The following DLG2 variants were observed in gnomAD, a reference collection of about 807,000 sequenced individuals.
DLG2 encodes the protein disks large homolog 2.
In DLG2, 45 loss-of-function variants were observed where a neutral mutation model predicts 132.5. The ratio of observed to expected loss-of-function variants is 0.34; its 90% confidence interval spans 0.27 to 0.44. The LOEUF (loss-of-function observed/expected upper bound fraction) is 0.44. Ranked by LOEUF, DLG2 falls within the 20% of genes least tolerant of loss-of-function variation. DLG2 has a pLI of 1.00. For synonymous variants in DLG2, 424 were observed against 419.6 expected, an observed-to-expected ratio of 1.01 and a Z score of -0.13; for missense variants, 1,045 against 1,196.9, an observed-to-expected ratio of 0.87 and a Z score of 1.87.
chr11:85,349,512 A>G (rs1306620395), intron 3 of DLG2, among the ~76,000 whole-genome samples: 1 of 151,908 alleles, frequency 6.6e-6, no homozygotes, highest in African/African-American at 2.4e-5. Flanking sequence ...GCTGCACCCA[A>G]CAACTCATCA....
At chr11:83,517,251 C>A (rs529690720) in intron 21 of DLG2, among the ~76,000 whole-genome samples, 1 of 152,140 alleles carries the variant, frequency 6.6e-6, no homozygotes. Context: ...CTAAACTCTG[C>A]TTGCTTCATT....
At chr11:84,052,262 AT>A (rs140305881) in intron 11 of DLG2, among the ~76,000 whole-genome samples, 2,158 of 152,042 alleles carry the variant, frequency 0.014, 46 homozygotes, top group African/African-American at 0.049. Context: ...ATATATGTGC[AT>A]ATACACATAA....
intron 6 of DLG2, among the ~76,000 whole-genome samples, chr11:84,744,895 G>T (rs1220376482): frequency 8.0e-6 from 1 of 124,748 alleles, no homozygotes; most frequent in Non-Finnish European, 1.7e-5. Flanking sequence ...AAAAGTAAAG[G>T]TCTAAAAAAA....
At chr11:85,466,061 G>T (rs532305768) in intron 3 of DLG2, among the ~76,000 whole-genome samples, 47 of 152,342 alleles carry the variant, frequency 3.1e-4, no homozygotes, top group African/African-American at 1.1e-3. Flanking sequence ...GGCCAGTGAT[G>T]ATGAGCATGT....
At chr11:84,166,991 C>A (rs566496403) in intron 8 of DLG2, 2 of 533,272 alleles carry the variant, frequency 3.8e-6, no homozygotes, top group East Asian at 1.1e-4. Flanking sequence ...AGTTTGGGGC[C>A]CGGAGAGCTT....
intron 21 of DLG2, among the ~76,000 whole-genome samples, chr11:83,517,028 C>G (rs1043393772): frequency 2.2e-4 from 34 of 152,078 alleles, no homozygotes; most frequent in African/African-American, 7.5e-4. Flanking sequence ...CAAGGAGTAT[C>G]TTTGTGGCAT....
intron 6 of DLG2, among the ~76,000 whole-genome samples, chr11:84,755,113 C>T (rs985519778): frequency 2.0e-5 from 3 of 152,092 alleles, no homozygotes; most frequent in African/African-American, 7.2e-5. Flanking sequence ...AGATTTAAAA[C>T]AACACAAACT....
At chr11:84,003,992 A>T (rs998377973) in intron 11 of DLG2, among the ~76,000 whole-genome samples, 3 of 152,066 alleles carry the variant, frequency 2.0e-5, no homozygotes, top group African/African-American at 7.2e-5. Context: ...AGATGGATTC[A>T]CTGCTGAATT....
At chr11:83,972,390 A>C (rs1308818163) in intron 12 of DLG2, among the ~76,000 whole-genome samples, 1 of 152,166 alleles carries the variant, frequency 6.6e-6, no homozygotes, top group Non-Finnish European at 1.5e-5. Flanking sequence ...TGTATGATAT[A>C]AAGTAGCATA....
intron 5 of DLG2, among the ~76,000 whole-genome samples, chr11:85,134,981 G>C (rs1421404151): frequency 6.6e-6 from 1 of 152,058 alleles, no homozygotes; most frequent in African/African-American, 2.4e-5. Context: ...CTGTCTTATG[G>C]TTCAGTAATT....
chr11:85,038,121 G>A (rs1046236588), intron 6 of DLG2, among the ~76,000 whole-genome samples: 1 of 152,066 alleles, frequency 6.6e-6, no homozygotes, highest in Non-Finnish European at 1.5e-5. Context: ...GGACATGAAT[G>A]GTTCATGGGG....
intron 3 of DLG2, among the ~76,000 whole-genome samples, chr11:85,345,391 TAAG>T (rs138377357): frequency 0.029 from 4,446 of 152,202 alleles, 90 homozygotes; most frequent in Non-Finnish European, 0.045. Flanking sequence ...ATAGTGACGT[TAAG>T]AAGAAAAGGA....
At chr11:85,029,425 A>C (rs944713781) in intron 6 of DLG2, among the ~76,000 whole-genome samples, 5 of 152,208 alleles carry the variant, frequency 3.3e-5, no homozygotes, top group Admixed American at 2.6e-4. Context: ...AGAGTGTTCC[A>C]ACCCCTAAGG....
chr11:84,980,446 C>T (rs565176846), intron 6 of DLG2, among the ~76,000 whole-genome samples: 19 of 152,068 alleles, frequency 1.2e-4, no homozygotes, highest in Admixed American at 2.0e-4. Flanking sequence ...CCTATACAGG[C>T]CAATCAACAC....
chr11:84,910,209 C>T (rs1324796619), intron 6 of DLG2, among the ~76,000 whole-genome samples: 1 of 152,148 alleles, frequency 6.6e-6, no homozygotes, highest in East Asian at 1.9e-4. Context: ...CCTTCAGCCT[C>T]TACTGCTCCA....
In DLG2 at chr11:84,089,778, G is replaced by A. The variant is rs1181374790; in HGVS notation, c.749+9145C>T. 2.0e-5 allele frequency among the ~76,000 whole-genome samples: 3 copies of A among 152,286 alleles called. No individual in the cohort carries two copies. In the East Asian group the frequency reaches 5.8e-4, roughly 29 times the overall value. ...TGGGAGTAGAAATGATTATGCTGAA[G>A]GCTAAGAGATTAAATTGTGTCACTT... On this transcript the variant is annotated intron_variant, in intron 10 of 27. Coordinates refer to ENST00000376104, the MANE Select transcript of DLG2 (RefSeq NM_001142699.3).
At chr11:84,413,879 G>A (rs1567570043) in intron 7 of DLG2, among the ~76,000 whole-genome samples, 1 of 152,082 alleles carries the variant, frequency 6.6e-6, no homozygotes, top group Admixed American at 6.6e-5. Context: ...GACTCCTCCA[G>A]GAGGAAACTA....
chr11:85,498,787 A>T (rs2093727319), intron 3 of DLG2, among the ~76,000 whole-genome samples: 1 of 151,920 alleles, frequency 6.6e-6, no homozygotes, highest in African/African-American at 2.4e-5. Flanking sequence ...ATTAATCCTA[A>T]ACTGGCTCAA....
chr11:83,730,146 GTTTTTTTTTTTT>G (rs541441004), intron 18 of DLG2, among the ~76,000 whole-genome samples: 1 of 111,004 alleles, frequency 9.0e-6, no homozygotes, highest in Non-Finnish European at 1.8e-5. Context: ...TTTTTTTATG[GTTTTTTTTTTTT>G]TTTTTTTTTA....
Sources: allele counts gnomAD v4.1 joint callset (sites outside exome capture counted in the v4.1 genomes callset), GRCh38; gene constraint gnomAD v4.1.1; transcripts MANE v1.5; gene names NCBI Gene and HGNC (gene_info 2026-07-23, HGNC 2026-07-21).